Variants in COQ8B observed in about 807,000 individuals in gnomAD.
The protein encoded by COQ8B is atypical kinase COQ8B, mitochondrial.
Under a neutral mutation model 62.0 loss-of-function variants are expected in COQ8B, and 44 were observed. The observed-to-expected ratio is 0.71, with a 90% confidence interval of 0.56 to 0.91. The LOEUF is 0.91. COQ8B is among the 40% of genes least tolerant of loss of function. The pLI is 0.00. For synonymous variants in COQ8B, 252 were observed against 289.9 expected (o/e 0.87, Z 1.33); for missense variants, 649 against 731.6 (o/e 0.89, Z 1.30).
At chr19:40,715,845 CTG>C (rs57781535) in intron 1 of COQ8B, 27,826 of 149,244 alleles carry the variant, frequency 0.19, 2,595 homozygotes, top group Admixed American at 0.23. Context: ...CTTTCTTTCT[CTG>C]TGTGTGTGTG....
chr19:40,703,732 C>A lies in COQ8B; in HGVS notation c.700G>T (p.Val234Leu), dbSNP rs777884435. 6.2e-7 allele frequency: 1 copy of A among 1,614,126 alleles called. No individual in the cohort carries two copies. The highest frequency in any genetic ancestry group is 1.3e-5 in the African/African-American group (1 of 75,054). The stretch of plus-strand genomic sequence containing the variant: ...CCTCTCACCTGGATCTTCACGGCCA[C>A]CTCCGTCCCGTCCCTCAGCAGGCCC... ...HQGLLRDGTE[V>L]AVKIQYPGIA... Residue 234 changes from valine to leucine, a missense_variant, in exon 8 of 15, where the codon GTG (valine) becomes TTG (leucine). Coordinates refer to ENST00000324464, the MANE Select transcript of COQ8B (RefSeq NM_024876.4).
chr19:40,693,623 G>A (rs2081990663), intron 13 of COQ8B, among the ~76,000 whole-genome samples: 1 of 152,108 alleles, frequency 6.6e-6, no homozygotes, highest in African/African-American at 2.4e-5. Context: ...AGCTGGCTAG[G>A]GTTCCGTCCC....
intron 9 of COQ8B, 172 bp downstream of exon 9, chr19:40,703,369 C>T: frequency 1.5e-6 from 1 of 662,774 alleles, no homozygotes; most frequent in Non-Finnish European, 2.5e-6. Flanking sequence ...TTTCCCACAC[C>T]TGCTCATGCT....
chr19:40,695,243 A>G (rs1054116628), intron 13 of COQ8B, among the ~76,000 whole-genome samples: 2 of 150,990 alleles, frequency 1.3e-5, no homozygotes, highest in African/African-American at 4.9e-5. Context: ...GCTTGAACCC[A>G]GGAGGTGGAG....
At position 40,714,650 on chromosome 19, in the gene COQ8B, GA is replaced by G; in HGVS notation, c.-3-16del. On this transcript the variant is annotated splice_polypyrimidine_tract_variant and intron_variant, in intron 1 of 14. Transcript: ENST00000324464. ...AGCCACATTGCCTGGAGGAGAAGAG[GA>G]GGGATTATTCAGGTGGGAGTTGCCT... 6.3e-7 allele frequency: 1 copy of G among 1,581,258 alleles called. No individual in the cohort carries two copies. Among genetic ancestry groups the G allele is most frequent in the Non-Finnish European group, 8.6e-7 (1 of 1,165,398 alleles).
chr19:40,692,012 G>A lies in COQ8B; in HGVS notation c.*23C>T, dbSNP rs1180815973. 6.4e-7 allele frequency: 1 copy of A among 1,570,124 alleles called. No homozygotes were observed. Among genetic ancestry groups the A allele is most frequent in the East Asian group, 2.3e-5 (1 of 43,042 alleles). On this transcript the variant is annotated 3_prime_UTR_variant, in exon 15 of 15. Transcript: ENST00000324464. Reference sequence around the variant, plus strand: ...ACAGCAGGGTACGGCCTGCTCTGGGGACTGAATCCCCCATGGAGGCTGTCA... The same window carrying A: ...ACAGCAGGGTACGGCCTGCTCTGGGAACTGAATCCCCCATGGAGGCTGTCA...
Position 40,703,652 on chromosome 19 carries a change from T to C in COQ8B, c.718-30A>G, listed in dbSNP as rs781183315. The C allele has an allele frequency of 3.6e-5, 58 of 1,613,342 alleles. No individual in the cohort carries two copies. The South Asian group carries it at 5.7e-4, about 16-fold the overall frequency. Reference sequence around the variant, plus strand: ...AAAGGGAGAAGGGAGGGAGAGAAGGTGGGAGTCACTTCTCTGGGCTAGCAG... The same window carrying C: ...AAAGGGAGAAGGGAGGGAGAGAAGGCGGGAGTCACTTCTCTGGGCTAGCAG... On this transcript the variant is annotated intron_variant, in intron 8 of 14. Transcript: ENST00000324464.
intron 14 of COQ8B, among the ~76,000 whole-genome samples, chr19:40,692,716 A>C (rs1243031028): frequency 5.0e-4 from 61 of 121,218 alleles, no homozygotes; most frequent in African/African-American, 8.3e-4. Context: ...ACCTCCCCCC[A>C]CTCCTCCCCA....
chr19:40,711,412 CAG>C (rs1482133594), intron 4 of COQ8B, among the ~76,000 whole-genome samples: 2 of 152,110 alleles, frequency 1.3e-5, no homozygotes, highest in African/African-American at 4.8e-5. Flanking sequence ...TTTATTGAGA[CAG>C]GGTCTCACTA....
chr19:40,694,459 C>T (rs1323848372), intron 13 of COQ8B, among the ~76,000 whole-genome samples: 1 of 152,210 alleles, frequency 6.6e-6, no homozygotes, highest in African/African-American at 2.4e-5. Context: ...TTTGCTGCAG[C>T]CTCGTCACTG....
chr19:40,704,733 G>A (rs184766980), intron 7 of COQ8B: 7 of 174,154 alleles, frequency 4.0e-5, no homozygotes, highest in Non-Finnish European at 7.4e-5. Context: ...TTACAGACAC[G>A]ATCTCCTTTA....
At chr19:40,715,573 T>C in intron 1 of COQ8B, 24 of 985,568 alleles carry the variant, frequency 2.4e-5, no homozygotes, top group Non-Finnish European at 2.9e-5. Context: ...TCCTTGTGCA[T>C]ATAAATCCCT....
intron 4 of COQ8B, among the ~76,000 whole-genome samples, chr19:40,712,440 T>TA (rs1334962541): frequency 7.1e-6 from 1 of 140,936 alleles, no homozygotes; most frequent in Non-Finnish European, 1.5e-5. Flanking sequence ...CAACAAAAAA[T>TA]AGTTGGACGT....
chr19:40,702,700 G>C lies in COQ8B; in HGVS notation c.800-7C>G. 1.9e-6 allele frequency: 3 copies of C among 1,606,228 alleles called. No homozygotes were observed. Among genetic ancestry groups the C allele is most frequent in the Non-Finnish European group, 2.5e-6 (3 of 1,179,884 alleles). On this transcript the variant is annotated splice_polypyrimidine_tract_variant and splice_region_variant and intron_variant, in intron 9 of 14. Transcript: ENST00000324464. ...CTCTGCTCGGCAAACAGGCCTGTGG[G>C]GGAGGTGTGTCAGCCAGGGAAGGGC...
chr19:40,710,183 C>G, intron 4 of COQ8B, 47 bp from the exon 5 acceptor site: 1 of 1,516,382 alleles, frequency 6.6e-7, no homozygotes, highest in Non-Finnish European at 9.1e-7. Flanking sequence ...CTGGGGTGCC[C>G]CCAGCCTAAC....
chr19:40,702,864 C>A (rs944112794), intron 9 of COQ8B, among the ~76,000 whole-genome samples, 171 bp from the exon 10 acceptor site: 1 of 152,060 alleles, frequency 6.6e-6, no homozygotes, highest in African/African-American at 2.4e-5. Context: ...CTGCTCCTGC[C>A]TCTGACCTGC....
intron 2 of COQ8B, 23 bp downstream of exon 2, chr19:40,714,508 G>T: frequency 1.2e-6 from 2 of 1,613,854 alleles, no homozygotes; most frequent in Non-Finnish European, 1.7e-6. Context: ...TTCCCCTTGG[G>T]GACCTGCTCC....
intron 7 of COQ8B, 81 bp from the exon 8 acceptor site, chr19:40,703,936 G>T: frequency 4.0e-6 from 6 of 1,489,346 alleles, no homozygotes; most frequent in Non-Finnish European, 5.4e-6. Flanking sequence ...GATAACCCCA[G>T]CACTCACCAC....
At chr19:40,693,184 A>G in intron 13 of COQ8B, 147 bp from the exon 14 acceptor site, 8 of 645,212 alleles carry the variant, frequency 1.2e-5, no homozygotes, top group Non-Finnish European at 1.3e-5. Context: ...TCCTGCTCCC[A>G]ACTTTGCCTG....
Sources: gnomAD v4.1 joint callset for allele counts (sites outside exome capture counted in the v4.1 genomes callset) on GRCh38, gnomAD v4.1.1 for gene constraint, MANE v1.5 for transcripts, NCBI Gene and HGNC (gene_info 2026-07-23, HGNC 2026-07-21) for gene names.